DAP: variants seen among roughly 807,000 people sequenced by gnomAD.
The protein encoded by DAP is death-associated protein 1.
A neutral mutation model predicts 13.8 loss-of-function variants in DAP; 8 were observed. The ratio of observed to expected loss-of-function variants is 0.58; its 90% CI spans 0.34 to 1.05. DAP has a LOEUF of 1.05. Ranked by LOEUF, DAP falls within the 50% of genes least tolerant of loss-of-function variation. The pLI, the probability that DAP is intolerant of heterozygous loss-of-function variation, is 0.03. For missense variants in DAP, 106 were observed against 133.2 expected, an observed-to-expected ratio of 0.80 and a Z score of 1.01; for synonymous variants, 47 against 47.5, an observed-to-expected ratio of 0.99 and a Z score of 0.04.
intron 2 of DAP, among the ~76,000 whole-genome samples, chr5:10,715,040 C>T (rs2126654593): frequency 6.6e-6 from 1 of 152,172 alleles, no homozygotes; most frequent in East Asian, 1.9e-4. Context: ...AATGGACTAA[C>T]ACATACGAAT....
chr5:10,739,813 ACACACACG>A (rs1340751342), intron 2 of DAP, among the ~76,000 whole-genome samples: 1 of 144,786 alleles, frequency 6.9e-6, no homozygotes, highest in Non-Finnish European at 1.5e-5. Context: ...ACACACACAC[ACACACACG>A]AATGGGTTTG....
intron 2 of DAP, among the ~76,000 whole-genome samples, chr5:10,722,820 T>C (rs553396799): frequency 5.3e-5 from 8 of 152,190 alleles, no homozygotes; most frequent in African/African-American, 1.9e-4. Flanking sequence ...CAACGACTGA[T>C]ACTCATGCCA....
chr5:10,715,921 C>A (rs142348306), intron 2 of DAP, among the ~76,000 whole-genome samples: 101 of 152,304 alleles, frequency 6.6e-4, no homozygotes, highest in African/African-American at 2.4e-3. Flanking sequence ...GGAAACCTCT[C>A]GATAATACAC....
At chr5:10,681,244 G>T in intron 3 of DAP, 75 bp from the exon 4 acceptor site, 1 of 1,170,616 alleles carries the variant, frequency 8.5e-7, no homozygotes, top group Non-Finnish European at 1.2e-6. Context: ...CCCCAGGCCA[G>T]TGCCCACCAG....
intron 2 of DAP, among the ~76,000 whole-genome samples, chr5:10,701,390 G>C (rs1405127915): frequency 1.3e-5 from 2 of 152,264 alleles, no homozygotes; most frequent in East Asian, 3.9e-4. Flanking sequence ...CTCAGCATTT[G>C]CCTCAATAAG....
At chr5:10,744,446 A>G (rs1433080295) in intron 2 of DAP, among the ~76,000 whole-genome samples, 19 of 152,208 alleles carry the variant, frequency 1.2e-4, no homozygotes, top group Admixed American at 1.1e-3. Flanking sequence ...CTTATTGTAA[A>G]GTGATAATTA....
chr5:10,686,559 G>A (rs1301737920), intron 2 of DAP, among the ~76,000 whole-genome samples: 2 of 152,148 alleles, frequency 1.3e-5, no homozygotes, highest in South Asian at 2.1e-4. Flanking sequence ...CGAGTGGTCT[G>A]GATAAAAGAC....
intron 2 of DAP, among the ~76,000 whole-genome samples, chr5:10,686,108 T>C (rs962145996): frequency 2.0e-5 from 3 of 152,214 alleles, no homozygotes; most frequent in South Asian, 2.1e-4. Context: ...TTGATGTTAC[T>C]ACTGTAATTG....
intron 2 of DAP, among the ~76,000 whole-genome samples, chr5:10,710,355 G>C (rs143724088): frequency 4.3e-4 from 65 of 152,348 alleles, no homozygotes; most frequent in African/African-American, 1.5e-3. Flanking sequence ...TCTGACCCAA[G>C]CCACAGAATG....
chr5:10,683,364 G>A, intron 3 of DAP, 165 bp downstream of exon 3: 1 of 779,484 alleles, frequency 1.3e-6, no homozygotes, highest in Non-Finnish European at 2.2e-6. Flanking sequence ...GTCTGCAGAA[G>A]CAGCCTCTGG....
chr5:10,728,494 C>T (rs974231636), intron 2 of DAP, among the ~76,000 whole-genome samples: 1 of 152,168 alleles, frequency 6.6e-6, no homozygotes, highest in African/African-American at 2.4e-5. Context: ...TTCAGAGCTT[C>T]AGGGAAATTA....
chr5:10,707,088 G>A lies in DAP; in HGVS notation c.153-23517C>T, dbSNP rs552016186. Among the ~76,000 whole-genome samples, 3 of 152,288 alleles carry A rather than the reference G, an allele frequency of 2.0e-5. No individual in the cohort carries two copies. The highest frequency in any genetic ancestry group is 1.9e-4 in the East Asian group (1 of 5,192). On this transcript the variant is annotated intron_variant, in intron 2 of 3. Coordinates refer to ENST00000230895, the MANE Select transcript of DAP (RefSeq NM_004394.3). This position sits in a 1 kb window ranked among gnomAD's most constrained non-coding sequence, Gnocchi z 4.0. ...CCATGGGTCTGTCCCCAAGTCAGTC[G>A]GCCAGTTTGCAACGTCTGAGGTGGC...
intron 2 of DAP, among the ~76,000 whole-genome samples, chr5:10,712,452 A>C (rs6898580): frequency 6.6e-6 from 1 of 152,196 alleles, no homozygotes; most frequent in East Asian, 1.9e-4. Flanking sequence ...AAGGACCGGC[A>C]CAATTCAGGG....
intron 2 of DAP, among the ~76,000 whole-genome samples, chr5:10,720,660 C>T (rs569941688): frequency 9.7e-4 from 148 of 152,342 alleles, no homozygotes; most frequent in Non-Finnish European, 1.5e-3. Context: ...CCAAGGCTGA[C>T]TTGGCTACAG....
intron 2 of DAP, among the ~76,000 whole-genome samples, chr5:10,715,705 G>T (rs913905773): frequency 6.6e-6 from 1 of 152,210 alleles, no homozygotes; most frequent in African/African-American, 2.4e-5. Context: ...GAAAACAGGG[G>T]TGAGTCTTCC....
chr5:10,736,163 C>T (rs5745207), intron 2 of DAP, among the ~76,000 whole-genome samples: 6 of 152,318 alleles, frequency 3.9e-5, no homozygotes, highest in Admixed American at 1.3e-4. Flanking sequence ...CCTTCCCCAG[C>T]GCCTGCAGAG....
chr5:10,756,368 T>C lies in DAP; in HGVS notation c.55+4646A>G, dbSNP rs548984232. 7.9e-4 allele frequency among the ~76,000 whole-genome samples: 72 copies of C among 91,600 alleles called. 7 individuals are homozygous for C. Among genetic ancestry groups the C allele is most frequent in the Non-Finnish European group, 1.3e-3 (56 of 43,640 alleles). The allele number at this position is 91,600 out of a possible 152,430, so 60.1% of individuals were successfully genotyped here. A position where few individuals can be genotyped will look rare whatever the true frequency, so the allele number is the denominator to read the frequency against. ...GGGTTAATAGAAGACAAATTAGTCT[T>C]CTGTTTCTAGCAATGGATAATCTGA... On this transcript the variant is annotated intron_variant, in intron 1 of 3. Coordinates refer to ENST00000230895, the MANE Select transcript of DAP (RefSeq NM_004394.3).
intron 2 of DAP, among the ~76,000 whole-genome samples, chr5:10,693,707 G>GGGCT (rs74825643): frequency 0.063 from 9,553 of 152,266 alleles, 338 homozygotes; most frequent in South Asian, 0.08. Context: ...TCATTTTAAA[G>GGGCT]CAGAGTTTTA....
At chr5:10,702,870 C>T (rs190779611) in intron 2 of DAP, among the ~76,000 whole-genome samples, 21 of 152,242 alleles carry the variant, frequency 1.4e-4, no homozygotes, top group Admixed American at 4.6e-4. Context: ...TAATAAAGTG[C>T]GATGTCACTC....
Sources: allele counts gnomAD v4.1 joint callset (sites outside exome capture counted in the v4.1 genomes callset), GRCh38; gene constraint gnomAD v4.1.1; non-coding constraint Gnocchi (gnomAD v3.1); transcripts MANE v1.5; gene names NCBI Gene and HGNC (gene_info 2026-07-23, HGNC 2026-07-21).